The following EPB41L4A variants were observed in gnomAD, a reference collection of about 807,000 sequenced individuals.
The protein encoded by EPB41L4A is erythrocyte membrane protein band 4.1 like 4A, also known as band 4.1-like protein 4A.
EPB41L4A carries 100 observed loss-of-function variants against 108.6 expected under a neutral mutation model. The ratio of observed to expected loss-of-function variants is 0.92; its 90% CI spans 0.78 to 1.09. The LOEUF (loss-of-function observed/expected upper bound fraction) is 1.09. Among genes scored for constraint, EPB41L4A ranks in the 50% least tolerant of loss-of-function variants. The probability of loss-of-function intolerance (pLI) is 0.00; values close to 1 mark genes in which losing one functional copy is unlikely to be tolerated. For synonymous variants in EPB41L4A, 319 were observed against 289.0 expected (o/e 1.10, Z -1.05); for missense variants, 1,030 against 842.7 (o/e 1.22, Z -2.75).
intron 2 of EPB41L4A, among the ~76,000 whole-genome samples, chr5:112,298,949 A>G (rs1247051071): frequency 6.6e-6 from 1 of 152,200 alleles, no homozygotes; most frequent in East Asian, 1.9e-4. Flanking sequence ...TGTTCATAGT[A>G]GCCTTGAATG....
At chr5:112,155,931 T>A (rs1415253144) in intron 12 of EPB41L4A, among the ~76,000 whole-genome samples, 1 of 152,082 alleles carries the variant, frequency 6.6e-6, no homozygotes, top group East Asian at 1.9e-4. Context: ...TAAGTAGATA[T>A]GTATATAATT....
chr5:112,232,641 G>A (rs889417616), intron 12 of EPB41L4A, among the ~76,000 whole-genome samples: 2 of 152,254 alleles, frequency 1.3e-5, no homozygotes, highest in East Asian at 3.9e-4. Flanking sequence ...TTGACAAAAG[G>A]ATTAAATGAA....
intron 6 of EPB41L4A, among the ~76,000 whole-genome samples, chr5:112,263,094 T>C (rs6887281): frequency 6.6e-6 from 1 of 152,016 alleles, no homozygotes; most frequent in Admixed American, 6.5e-5. Flanking sequence ...TTGTAAAAAA[T>C]GCTTGTCATT....
chr5:112,240,714 T>C lies in EPB41L4A; in HGVS notation c.887+5A>G, dbSNP rs760657690. The C allele has an allele frequency of 8.2e-5, 124 of 1,506,242 alleles. No individual in the cohort carries two copies. The highest frequency in any genetic ancestry group is 1.0e-4 in the Non-Finnish European group (117 of 1,126,052). 93.3% of individuals were successfully genotyped at this position (1,506,242 alleles called of 1,614,324 possible). A position where few individuals can be genotyped will look rare whatever the true frequency, so the allele number is the denominator to read the frequency against. ...ACAACAAACAAAATTTTTACATCAA[T>C]TTACCTAAAAAATGTATGATGTTCC... On this transcript the variant is annotated splice_donor_5th_base_variant and intron_variant, in intron 10 of 22. Transcript: ENST00000261486.
chr5:112,257,533 T>G (rs1362077206), intron 9 of EPB41L4A, among the ~76,000 whole-genome samples: 2 of 152,142 alleles, frequency 1.3e-5, no homozygotes, highest in Non-Finnish European at 2.9e-5. Flanking sequence ...GATATCAATT[T>G]TGTTGCTGTT....
chr5:112,286,640 G>T (rs545303525), intron 2 of EPB41L4A, among the ~76,000 whole-genome samples: 1 of 152,256 alleles, frequency 6.6e-6, no homozygotes, highest in East Asian at 1.9e-4. Flanking sequence ...TGCTGTGGAG[G>T]AACTGTCCAT....
At chr5:112,412,405 T>C (rs987308884) in intron 1 of EPB41L4A, among the ~76,000 whole-genome samples, 6 of 152,182 alleles carry the variant, frequency 3.9e-5, no homozygotes, top group African/African-American at 9.7e-5. Flanking sequence ...GGATTCACAA[T>C]ACGCAGCATT....
intron 17 of EPB41L4A, among the ~76,000 whole-genome samples, chr5:112,184,506 T>C (rs1761327572): frequency 6.6e-6 from 1 of 152,194 alleles, no homozygotes; most frequent in Admixed American, 6.5e-5. Flanking sequence ...AATGTGCTAG[T>C]CAAAATAGTA....
At chr5:112,360,353 C>T (rs1034827949) in intron 1 of EPB41L4A, among the ~76,000 whole-genome samples, 1 of 152,228 alleles carries the variant, frequency 6.6e-6, no homozygotes. Flanking sequence ...GCCGCCATCT[C>T]GGCTCACCGC....
At chr5:112,246,368 T>C (rs1484834566) in intron 9 of EPB41L4A, among the ~76,000 whole-genome samples, 1 of 152,170 alleles carries the variant, frequency 6.6e-6, no homozygotes, top group Non-Finnish European at 1.5e-5. Context: ...GCCTGCAGTA[T>C]TCAGTACAGT....
At chr5:112,272,297 C>G (rs183212321) in intron 4 of EPB41L4A, among the ~76,000 whole-genome samples, 1 of 151,678 alleles carries the variant, frequency 6.6e-6, no homozygotes, top group African/African-American at 2.4e-5. Context: ...CCCGCCGCCA[C>G]GCGCAGCTGA....
intron 2 of EPB41L4A, among the ~76,000 whole-genome samples, chr5:112,302,519 G>A (rs757311505): frequency 1.3e-5 from 2 of 152,152 alleles, no homozygotes; most frequent in African/African-American, 4.8e-5. Flanking sequence ...GCACTAGTCT[G>A]TGTATTTTTT....
At chr5:112,193,537 G>T (rs1490277591) in intron 17 of EPB41L4A, among the ~76,000 whole-genome samples, 4 of 152,210 alleles carry the variant, frequency 2.6e-5, no homozygotes, top group African/African-American at 9.6e-5. Context: ...CCAACCTCAG[G>T]TGATCTGCCT....
intron 22 of EPB41L4A, among the ~76,000 whole-genome samples, chr5:112,166,402 T>C (rs1025719243): frequency 2.6e-5 from 4 of 152,236 alleles, no homozygotes; most frequent in Non-Finnish European, 5.9e-5. Context: ...CCCTGTGTTA[T>C]CTGCCTTTCC....
chr5:112,178,353 C>T (rs953322044), intron 18 of EPB41L4A, among the ~76,000 whole-genome samples: 1 of 152,080 alleles, frequency 6.6e-6, no homozygotes, highest in African/African-American at 2.4e-5. Flanking sequence ...AATTGACAAT[C>T]ACTGTTGTAG....
intron 1 of EPB41L4A, among the ~76,000 whole-genome samples, chr5:112,350,449 T>G (rs1361035809): frequency 1.3e-5 from 2 of 152,206 alleles, no homozygotes; most frequent in Non-Finnish European, 2.9e-5. Flanking sequence ...AGGATATTCA[T>G]CACCTCGAGG....
At chr5:112,152,944 T>A (rs1242575713) in intron 12 of EPB41L4A, among the ~76,000 whole-genome samples, 2 of 152,152 alleles carry the variant, frequency 1.3e-5, no homozygotes, top group Admixed American at 1.3e-4. Flanking sequence ...CAGGGCCAGG[T>A]GCAGTGGCTC....
intron 2 of EPB41L4A, among the ~76,000 whole-genome samples, chr5:112,286,889 A>G (rs1181776242): frequency 6.6e-6 from 1 of 151,694 alleles, no homozygotes; most frequent in East Asian, 1.9e-4. Context: ...AAGTTGTTCT[A>G]CATTCTCTCA....
chr5:112,309,843 A>T (rs1754934581), intron 1 of EPB41L4A, among the ~76,000 whole-genome samples: 1 of 152,222 alleles, frequency 6.6e-6, no homozygotes, highest in Non-Finnish European at 1.5e-5. Context: ...CTCACTTGAA[A>T]GATGAAGGGG....
Sources: allele counts gnomAD v4.1 joint callset (sites outside exome capture counted in the v4.1 genomes callset), GRCh38; gene constraint gnomAD v4.1.1; transcripts MANE v1.5; gene names NCBI Gene and HGNC (gene_info 2026-07-23, HGNC 2026-07-21).